PLA2R1: variants seen among roughly 807,000 people sequenced by gnomAD.
The protein encoded by PLA2R1 is phospholipase A2 receptor 1, also known as secretory phospholipase A2 receptor.
PLA2R1 carries 158 observed loss-of-function variants against 195.9 expected under a neutral mutation model. The observed-to-expected ratio is 0.81, with a 90% CI of 0.71 to 0.92. The LOEUF is 0.92. PLA2R1 is among the 40% of genes least tolerant of loss of function. The probability of loss-of-function intolerance (pLI) is 0.00; values close to 1 mark genes in which losing one functional copy is unlikely to be tolerated. For missense variants in PLA2R1, 1,626 were observed against 1,764.6 expected (o/e 0.92, Z 1.41); for synonymous variants, 586 against 598.2 (o/e 0.98, Z 0.30).
rs373854168 is a variant in PLA2R1, at chr2:159,988,330, A to G, written c.1835-972T>C. 2.0e-5 allele frequency among the ~76,000 whole-genome samples: 3 copies of G among 152,338 alleles called. No homozygotes were observed. In the East Asian group the frequency reaches 5.8e-4, roughly 29 times the overall value. On this transcript the variant is annotated intron_variant, in intron 11 of 29. Coordinates refer to ENST00000283243, the MANE Select transcript of PLA2R1 (RefSeq NM_007366.5). Reference sequence around the variant, plus strand: ...CAACAATAAAAAATTGTACATCCGCAATGTGCTCAGCTAGGCTGTATATTA... The same window carrying G: ...CAACAATAAAAAATTGTACATCCGCGATGTGCTCAGCTAGGCTGTATATTA...
chr2:159,986,199 A>G (rs1449771668), intron 12 of PLA2R1, among the ~76,000 whole-genome samples: 1 of 152,148 alleles, frequency 6.6e-6, no homozygotes, highest in Non-Finnish European at 1.5e-5. Flanking sequence ...CCAAAATGCA[A>G]AACTTTTTGA....
intron 20 of PLA2R1, among the ~76,000 whole-genome samples, chr2:159,964,652 T>C (rs1018030114): frequency 6.6e-6 from 1 of 152,134 alleles, no homozygotes. Flanking sequence ...AAATATCTCA[T>C]GGTGCCACTG....
rs1030833932 is a variant in PLA2R1 at position 160,011,156 on chromosome 2, T to C, written c.1664+2107A>G. Among the ~76,000 whole-genome samples, 8 of 152,172 alleles carry C rather than the reference T, an allele frequency of 5.3e-5. No homozygotes were observed. In the East Asian group the frequency reaches 1.5e-3, roughly 29 times the overall value. On this transcript the variant is annotated intron_variant, in intron 10 of 29. Transcript: ENST00000283243. ...CAGTTTTGGGGAAAATGAAACAGAT[T>C]TTTTTCCCAGATACTTTCTGTCATT...
chr2:159,951,616 C>T (rs757335635), intron 23 of PLA2R1, 38 bp from the exon 24 acceptor site: 9 of 1,041,566 alleles, frequency 8.6e-6, no homozygotes, highest in Non-Finnish European at 4.5e-6. Context: ...TTTGCAGCAT[C>T]TGGATGACAA....
At chr2:160,025,445 T>C (rs1693436536) in intron 6 of PLA2R1, among the ~76,000 whole-genome samples, 1 of 151,812 alleles carries the variant, frequency 6.6e-6, no homozygotes, top group Non-Finnish European at 1.5e-5. Context: ...TATTAAAAGA[T>C]GTAAATAGCG....
intron 1 of PLA2R1, among the ~76,000 whole-genome samples, chr2:160,053,504 G>T (rs992220804): frequency 2.0e-5 from 3 of 152,164 alleles, no homozygotes; most frequent in Admixed American, 2.0e-4. Flanking sequence ...GCCCACAGGA[G>T]ATTGCAACCT....
chr2:159,926,265 A>G, the PLA2R1 span, among the ~76,000 whole-genome samples: 1 of 152,234 alleles, frequency 6.6e-6, no homozygotes, highest in Non-Finnish European at 1.5e-5. Flanking sequence ...AGAACCCTTG[A>G]TAATTTGGTA....
chr2:159,944,383 T>C (rs73967962), intron 28 of PLA2R1, among the ~76,000 whole-genome samples: 4,673 of 152,312 alleles, frequency 0.031, 220 homozygotes, highest in African/African-American at 0.1. Context: ...TAGAATTTTC[T>C]AGCTTAGATT....
chr2:159,974,931 A>G (rs1316710534), intron 17 of PLA2R1, among the ~76,000 whole-genome samples: 1 of 152,204 alleles, frequency 6.6e-6, no homozygotes, highest in Non-Finnish European at 1.5e-5. Context: ...GGATGCTTTA[A>G]TACAGGGCTT....
chr2:160,023,145 T>C (rs1044913671), intron 6 of PLA2R1, among the ~76,000 whole-genome samples: 15 of 152,130 alleles, frequency 9.9e-5, no homozygotes, highest in African/African-American at 3.4e-4. Context: ...AGATGGCCGA[T>C]AGAGACACCT....
At chr2:159,924,136 C>A in the PLA2R1 span, among the ~76,000 whole-genome samples, 1 of 152,112 alleles carries the variant, frequency 6.6e-6, no homozygotes, top group Admixed American at 6.5e-5. Context: ...TCTTCAGGTC[C>A]AACATCTTCA....
chr2:159,960,521 C>T (rs184979522), intron 20 of PLA2R1, among the ~76,000 whole-genome samples: 62 of 152,202 alleles, frequency 4.1e-4, no homozygotes, highest in African/African-American at 1.4e-3. Context: ...ATGTTATGCA[C>T]AAAATCAAAT....
Position 160,028,919 on chromosome 2 carries a change from G to A in PLA2R1, c.886C>T (p.Gln296Ter), listed in dbSNP as rs979464373. 2 of 1,611,742 alleles carry A rather than the reference G, an allele frequency of 1.2e-6. No homozygotes were observed. The highest frequency in any genetic ancestry group is 2.2e-5 in the South Asian group (2 of 91,060). Reference sequence around the variant, plus strand: ...TGCCAGCCAGCGTGTTCATCCAGCTGATTGAGGCCCATCCACACCTCCACT... The same window carrying A: ...TGCCAGCCAGCGTGTTCATCCAGCTAATTGAGGCCCATCCACACCTCCACT... The part of the protein sequence containing the change: ...KTVEVWMGLN[Q>*]LDEHAGWQWS... Residue 296 changes from glutamine (Q) to a stop codon, truncating the protein, a stop_gained, in exon 5 of 30, where the codon CAG becomes TAG. Coordinates refer to ENST00000283243, the MANE Select transcript of PLA2R1 (RefSeq NM_007366.5). LOFTEE classifies it high-confidence loss of function.
At chr2:160,036,476 C>T (rs1694169759) in intron 3 of PLA2R1, among the ~76,000 whole-genome samples, 2 of 152,152 alleles carry the variant, frequency 1.3e-5, no homozygotes, top group Non-Finnish European at 2.9e-5. Context: ...CTGCCCCTAC[C>T]CCAGACTTGG....
rs747734682 is a variant in PLA2R1 at position 160,020,125 on chromosome 2, C to A, written c.1433G>T (p.Cys478Phe). Residue 478 changes from cysteine (C) to phenylalanine (F), a missense_variant, in exon 8 of 30, where the codon TGT becomes TTT. Coordinates refer to ENST00000283243, the MANE Select transcript of PLA2R1 (RefSeq NM_007366.5). The part of the protein sequence containing the change: ...PHIFPNRSQL[C>F]VSAEQSEGHW... ...ACTTACAGACTGCTCTGCTGAGACA[C>A]ACAGCTGGCTTCTATTTGGAAAAAT... The A allele has an allele frequency of 1.2e-6, 2 of 1,613,566 alleles. No individual in the cohort carries two copies. The highest frequency in any genetic ancestry group is 8.5e-7 in the Non-Finnish European group (1 of 1,179,850).
At position 159,941,004 on chromosome 2, in the gene PLA2R1, A is replaced by G. The variant is rs1185738014; in HGVS notation, c.*774T>C. The stretch of plus-strand genomic sequence containing the variant: ...TAACAGTACAACTGTTAAAGTTTCA[A>G]TATATTACTTTAAGCTTATGTATAA... On this transcript the variant is annotated 3_prime_UTR_variant, in exon 30 of 30. Coordinates refer to ENST00000283243, the MANE Select transcript of PLA2R1 (RefSeq NM_007366.5). 6.6e-6 allele frequency: 1 copy of G among 152,220 alleles called. No individual in the cohort carries two copies. The highest frequency in any genetic ancestry group is 1.5e-5 in the Non-Finnish European group (1 of 68,028). 9.4% of individuals were successfully genotyped at this position (152,220 alleles called of 1,614,324 possible).
At position 159,951,327 on chromosome 2, in the gene PLA2R1, TTA is replaced by T; in HGVS notation, c.3540+11_3540+12del. The stretch of plus-strand genomic sequence containing the variant: ...ATTATTCAAGGATGTCTCAAGGGAG[TTA>T]GGATACCTACATCTGTGGTGAACAG... On this transcript the variant is annotated intron_variant, in intron 24 of 29. Coordinates refer to ENST00000283243, the MANE Select transcript of PLA2R1 (RefSeq NM_007366.5). 1 of 1,432,136 alleles carries T rather than the reference TTA, an allele frequency of 7.0e-7. No homozygotes were observed. The highest frequency in any genetic ancestry group is 9.9e-7 in the Non-Finnish European group (1 of 1,014,182). The allele number at this position is 1,432,136 out of a possible 1,614,324, so 88.7% of individuals were successfully genotyped here.
chr2:159,983,080 G>A (rs755416131), intron 13 of PLA2R1, among the ~76,000 whole-genome samples: 1 of 152,158 alleles, frequency 6.6e-6, no homozygotes, highest in Admixed American at 6.5e-5. Context: ...GAGACAAGAT[G>A]ACTGTCTTCA....
intron 20 of PLA2R1, among the ~76,000 whole-genome samples, chr2:159,957,506 C>T (rs557887418): frequency 1.1e-4 from 17 of 152,076 alleles, no homozygotes; most frequent in Non-Finnish European, 2.1e-4. Context: ...AGGTGCGCAC[C>T]ACCATGCCTG....
Sources: allele counts gnomAD v4.1 joint callset (sites outside exome capture counted in the v4.1 genomes callset), GRCh38; gene constraint gnomAD v4.1.1; transcripts MANE v1.5; gene names NCBI Gene and HGNC (gene_info 2026-07-23, HGNC 2026-07-21).